The following TNRC6C variants were observed in gnomAD, a reference collection of about 807,000 sequenced individuals.
TNRC6C encodes trinucleotide repeat-containing gene 6C protein.
TNRC6C carries 20 observed loss-of-function variants against 153.7 expected under a neutral mutation model. The ratio of observed to expected loss-of-function variants is 0.13; its 90% CI spans 0.09 to 0.19. TNRC6C has a LOEUF of 0.19. Ranked by LOEUF, TNRC6C falls within the 10% of genes least tolerant of loss-of-function variation. The pLI, the probability that TNRC6C is intolerant of heterozygous loss-of-function variation, is 1.00. For synonymous variants in TNRC6C, 811 were observed against 841.4 expected, an observed-to-expected ratio of 0.96 and a Z score of 0.63; for missense variants, 1,987 against 2,172.0, an observed-to-expected ratio of 0.91 and a Z score of 1.69.
intron 1 of TNRC6C, among the ~76,000 whole-genome samples, chr17:77,994,655 C>T (rs1385687841): frequency 5.9e-5 from 9 of 152,054 alleles, no homozygotes; most frequent in Admixed American, 5.9e-4. Flanking sequence ...GGACTTTGTC[C>T]TTTCTTTTTT....
At chr17:78,000,330 A>G (rs1010582014), upstream of TNRC6C, among the ~76,000 whole-genome samples, 4 of 152,216 alleles carry the variant, frequency 2.6e-5, no homozygotes, top group African/African-American at 9.6e-5. Context: ...TTTATGCTCA[A>G]GGCTGAGACT....
chr17:78,021,432 C>T (rs1341806170), intron 1 of TNRC6C, among the ~76,000 whole-genome samples: 2 of 152,180 alleles, frequency 1.3e-5, no homozygotes, highest in Non-Finnish European at 2.9e-5. Context: ...AAAGCACCTG[C>T]GTTTCTAAGA....
intron 1 of TNRC6C, among the ~76,000 whole-genome samples, chr17:77,993,852 T>C (rs1309420323): frequency 2.6e-5 from 4 of 152,190 alleles, no homozygotes; most frequent in African/African-American, 9.7e-5. Context: ...GGGGGTTGTT[T>C]CCTGCAGCAA....
At chr17:78,098,530 C>T (rs764022793) in exon 17 of TNRC6C, 22 of 1,612,488 alleles carry the variant, frequency 1.4e-5, no homozygotes, top group Admixed American at 5.0e-5. Flanking sequence ...CCAGCTCCTA[C>T]TCCTCGGGTA....
At chr17:78,013,854 G>A (rs1239022651) in intron 1 of TNRC6C, among the ~76,000 whole-genome samples, 1 of 152,212 alleles carries the variant, frequency 6.6e-6, no homozygotes, top group Non-Finnish European at 1.5e-5. Flanking sequence ...TGAAATAGCA[G>A]GGTATGAGGT....
rs775118669 is a variant in TNRC6C at position 78,073,108 on chromosome 17, C to T, written c.2917+14C>T. ...ATCAGGCCATGAGTAAGTCATACAACATCCTTTTTAAAAAGGTACCCAGCT... is the reference window on the plus strand; with the variant it reads ...ATCAGGCCATGAGTAAGTCATACAATATCCTTTTTAAAAAGGTACCCAGCT... On this transcript the variant is annotated intron_variant, in intron 7 of 19. Transcript: ENST00000301624. The T allele has an allele frequency of 3.9e-6, 6 of 1,549,540 alleles. No homozygotes were observed. The African/African-American group carries it at 5.5e-5, about 14-fold the overall frequency.
chr17:78,083,467 G>C (rs192261950), intron 11 of TNRC6C, among the ~76,000 whole-genome samples: 59 of 152,338 alleles, frequency 3.9e-4, no homozygotes, highest in African/African-American at 1.4e-3. Context: ...CACCTGAGTA[G>C]CTGAGACACC....
At chr17:78,052,718 C>T (rs1598736917) in intron 3 of TNRC6C, among the ~76,000 whole-genome samples, 1 of 151,980 alleles carries the variant, frequency 6.6e-6, no homozygotes, top group Non-Finnish European at 1.5e-5. Flanking sequence ...CCCTGGCCCA[C>T]CAGCTGGGCC....
intron 1 of TNRC6C, chr17:78,008,858 T>C (rs1009199069): frequency 6.6e-6 from 1 of 152,232 alleles, no homozygotes; most frequent in Non-Finnish European, 1.5e-5. Context: ...CATCCTTGAA[T>C]GCATCTCTCT....
rs141437837 is a variant in TNRC6C, at chr17:78,067,672, C to T, written c.2612-85C>T. 6.1e-5 allele frequency: 87 copies of T among 1,415,230 alleles called. No individual in the cohort carries two copies. In the East Asian group the frequency reaches 7.0e-4, roughly 11 times the overall value. The allele number at this position is 1,415,230 out of a possible 1,614,324, so 87.7% of individuals were successfully genotyped here. On this transcript the variant is annotated intron_variant, in intron 4 of 19. Coordinates refer to ENST00000301624, the Ensembl canonical transcript of TNRC6C. The stretch of plus-strand genomic sequence containing the variant: ...AGATTACAATGCATCATTTGTCCCA[C>T]GACCCCTAAATTATATGTTACAGTG...
chr17:78,091,744 A>G (rs576529339), intron 14 of TNRC6C, 137 bp downstream of exon 16: 2 of 995,392 alleles, frequency 2.0e-6, no homozygotes, highest in Admixed American at 4.2e-5. Context: ...CCATTCCATT[A>G]TAGTGCATAT....
At chr17:78,060,201 A>C (rs1190680946) in intron 3 of TNRC6C, among the ~76,000 whole-genome samples, 1 of 152,184 alleles carries the variant, frequency 6.6e-6, no homozygotes, top group African/African-American at 2.4e-5. Context: ...ATAATGAGCA[A>C]ACTCTTCTAT....
chr17:77,961,529 A>G (rs1160972696), intron 1 of TNRC6C, among the ~76,000 whole-genome samples: 1 of 152,126 alleles, frequency 6.6e-6, no homozygotes, highest in African/African-American at 2.4e-5. Context: ...AATCTTAACA[A>G]TTTCATTTCG....
chr17:78,051,128 G>T, exon 3 of TNRC6C: 1 of 1,582,730 alleles, frequency 6.3e-7, no homozygotes, highest in Non-Finnish European at 8.6e-7. Context: ...AAACAGACAG[G>T]AACAGGGTGG....
intron 4 of TNRC6C, among the ~76,000 whole-genome samples, chr17:78,065,415 G>A (rs1221691200): frequency 6.6e-6 from 1 of 150,592 alleles, no homozygotes; most frequent in East Asian, 1.9e-4. Context: ...TGAACACAAA[G>A]GAGCTTTTAA....
At chr17:78,055,256 A>G (rs769983109) in intron 3 of TNRC6C, among the ~76,000 whole-genome samples, 3 of 152,150 alleles carry the variant, frequency 2.0e-5, no homozygotes, top group Non-Finnish European at 4.4e-5. Context: ...ACTAAGACAC[A>G]AACGCACACG....
intron 10 of TNRC6C, among the ~76,000 whole-genome samples, chr17:78,080,081 A>G (rs1670582292): frequency 6.6e-6 from 1 of 152,200 alleles, no homozygotes; most frequent in South Asian, 2.1e-4. Context: ...GAATTAGATC[A>G]TTTTTGCCAA....
In TNRC6C at chr17:77,974,875, G is replaced by A. The variant is rs542028467; in HGVS notation, c.-38+15607G>A. 3.3e-5 allele frequency among the ~76,000 whole-genome samples: 5 copies of A among 152,306 alleles called. No individual in the cohort carries two copies. The East Asian group carries it at 9.6e-4, about 29-fold the overall frequency. On this transcript the variant is annotated intron_variant, in intron 1 of 22. Transcript: ENST00000636222. ...AGTGTGACTTGCCCAAGATCAGGTAGTCCTGGGTTCAAACCCAGGTTTTGC... is the reference window on the plus strand; with the variant it reads ...AGTGTGACTTGCCCAAGATCAGGTAATCCTGGGTTCAAACCCAGGTTTTGC...
intron 3 of TNRC6C, among the ~76,000 whole-genome samples, chr17:78,056,909 T>TTATC (rs1292556165): frequency 1.3e-5 from 2 of 149,118 alleles, no homozygotes; most frequent in Non-Finnish European, 3.0e-5. Flanking sequence ...ATTGCACATA[T>TTATC]TATCACCAAA....
Sources: gnomAD v4.1 joint callset for allele counts (sites outside exome capture counted in the v4.1 genomes callset) on GRCh38, gnomAD v4.1.1 for gene constraint, MANE v1.5 for transcripts, NCBI Gene and HGNC (gene_info 2026-07-23, HGNC 2026-07-21) for gene names.